The following ADAMTSL3 variants were observed in gnomAD, a reference collection of about 807,000 sequenced individuals.
ADAMTSL3 encodes the protein ADAMTS like 3, also known as ADAMTS-like protein 3.
In ADAMTSL3, 128 loss-of-function variants were observed where a neutral mutation model predicts 201.7. The ratio of observed to expected loss-of-function variants is 0.63; its 90% CI spans 0.55 to 0.73. The LOEUF (loss-of-function observed/expected upper bound fraction) is 0.73, where lower values mean the gene tolerates loss of function less well. Ranked by LOEUF, ADAMTSL3 falls within the 30% of genes least tolerant of loss-of-function variation. The probability of loss-of-function intolerance (pLI) is 0.00; values close to 1 mark genes in which losing one functional copy is unlikely to be tolerated. For missense variants in ADAMTSL3, 1,990 were observed against 2,119.6 expected, an observed-to-expected ratio of 0.94 and a Z score of 1.20; for synonymous variants, 738 against 748.4, an observed-to-expected ratio of 0.99 and a Z score of 0.23.
chr15:83,688,797 T>TACACACACACAC (rs1567073566), intron 2 of ADAMTSL3, among the ~76,000 whole-genome samples: 10 of 127,898 alleles, frequency 7.8e-5, no homozygotes, highest in African/African-American at 3.1e-4. Context: ...CACACACACA[T>TACACACACACAC]GCCTGATTTA....
chr15:83,766,078 C>T (rs1176584274), intron 3 of ADAMTSL3, among the ~76,000 whole-genome samples: 2 of 107,216 alleles, frequency 1.9e-5, no homozygotes. Context: ...GAGGTGCTTC[C>T]AGCTTCCAGC....
At chr15:83,938,654 C>A (rs1221228796) in intron 17 of ADAMTSL3, among the ~76,000 whole-genome samples, 2 of 152,066 alleles carry the variant, frequency 1.3e-5, no homozygotes. Context: ...TGCCTAATTT[C>A]AATGATCCCA....
chr15:83,690,413 T>G, intron 2 of ADAMTSL3, among the ~76,000 whole-genome samples: 1 of 152,164 alleles, frequency 6.6e-6, no homozygotes, highest in East Asian at 1.9e-4. Flanking sequence ...TTCATGCAAC[T>G]TGGACTGTTG....
At chr15:83,882,932 A>G (rs1447216416) in intron 9 of ADAMTSL3, among the ~76,000 whole-genome samples, 1 of 152,062 alleles carries the variant, frequency 6.6e-6, no homozygotes, top group Non-Finnish European at 1.5e-5. Flanking sequence ...CTTTCTTAAA[A>G]TCTAGGAAAT....
At chr15:84,021,759 A>G (rs1305977712) in intron 26 of ADAMTSL3, among the ~76,000 whole-genome samples, 166 bp downstream of exon 26, 1 of 152,196 alleles carries the variant, frequency 6.6e-6, no homozygotes, top group Non-Finnish European at 1.5e-5. Flanking sequence ...CCTGTGAGGT[A>G]GATGTTGTTA....
chr15:83,882,800 C>T (rs1387170966), intron 9 of ADAMTSL3, among the ~76,000 whole-genome samples: 1 of 152,040 alleles, frequency 6.6e-6, no homozygotes, highest in African/African-American at 2.4e-5. Context: ...TCTGATTTTT[C>T]ACATTTTTCT....
chr15:83,725,339 A>T (rs117457297), intron 3 of ADAMTSL3, among the ~76,000 whole-genome samples: 2,869 of 152,094 alleles, frequency 0.019, 42 homozygotes, highest in Middle Eastern at 0.044. Context: ...GCCTGTTTGG[A>T]CTCAAGTGAT....
chr15:83,820,754 C>G (rs1043226825), intron 6 of ADAMTSL3, among the ~76,000 whole-genome samples: 12 of 152,062 alleles, frequency 7.9e-5, no homozygotes, highest in African/African-American at 2.9e-4. Context: ...GACATAAACC[C>G]CAGTGGCTTT....
intron 17 of ADAMTSL3, among the ~76,000 whole-genome samples, chr15:83,941,477 T>A (rs1308476319): frequency 6.6e-6 from 1 of 152,154 alleles, no homozygotes; most frequent in African/African-American, 2.4e-5. Context: ...AATGAATAAT[T>A]ATTCAGATTT....
chr15:83,784,107 T>C (rs1330739550), intron 4 of ADAMTSL3, among the ~76,000 whole-genome samples: 1 of 152,214 alleles, frequency 6.6e-6, no homozygotes, highest in African/African-American at 2.4e-5. Context: ...TTTTATTATT[T>C]TGTGGCTTTC....
At chr15:83,852,011 A>G (rs890076304) in intron 7 of ADAMTSL3, among the ~76,000 whole-genome samples, 4 of 152,190 alleles carry the variant, frequency 2.6e-5, no homozygotes, top group Admixed American at 2.0e-4. Context: ...ACAAACATGT[A>G]TGCTTTTGAG....
intron 13 of ADAMTSL3, among the ~76,000 whole-genome samples, chr15:83,893,512 G>C (rs895410940): frequency 6.6e-6 from 1 of 152,136 alleles, no homozygotes; most frequent in Non-Finnish European, 1.5e-5. Context: ...ATGCTGACAC[G>C]ACATGAAAGT....
chr15:83,718,630 G>T (rs1489973261), intron 3 of ADAMTSL3, among the ~76,000 whole-genome samples: 1 of 150,754 alleles, frequency 6.6e-6, no homozygotes, highest in Non-Finnish European at 1.5e-5. Flanking sequence ...GGCAGAGGTT[G>T]CCGCGAGCTG....
chr15:83,762,582 G>A (rs1210176610), intron 3 of ADAMTSL3, among the ~76,000 whole-genome samples: 1 of 152,046 alleles, frequency 6.6e-6, no homozygotes, highest in African/African-American at 2.4e-5. Flanking sequence ...GTCCTCACGC[G>A]GTGGGAGGGC....
chr15:83,818,619 G>C (rs2141903998), intron 5 of ADAMTSL3, among the ~76,000 whole-genome samples: 1 of 152,332 alleles, frequency 6.6e-6, no homozygotes, highest in East Asian at 1.9e-4. Context: ...GAGCCACCAC[G>C]CCTGGCGGCT....
chr15:83,898,429 T>C (rs992423404), intron 14 of ADAMTSL3, among the ~76,000 whole-genome samples: 2 of 152,176 alleles, frequency 1.3e-5, no homozygotes, highest in Non-Finnish European at 2.9e-5. Context: ...TTTCCCAAGA[T>C]TCTCATTCTT....
intron 2 of ADAMTSL3, among the ~76,000 whole-genome samples, chr15:83,692,551 C>T (rs1215428917): frequency 1.3e-5 from 2 of 151,556 alleles, no homozygotes; most frequent in African/African-American, 2.4e-5. Context: ...CTGGGTGTGG[C>T]GGCGGGCACC....
chr15:83,888,926 A>G (rs562705907), intron 10 of ADAMTSL3, among the ~76,000 whole-genome samples: 40 of 152,218 alleles, frequency 2.6e-4, no homozygotes, highest in Non-Finnish European at 5.7e-4. Flanking sequence ...TTAGACCTTT[A>G]GACCAACTGG....
At chr15:83,872,383 C>T (rs2065097307) in intron 9 of ADAMTSL3, among the ~76,000 whole-genome samples, 1 of 152,064 alleles carries the variant, frequency 6.6e-6, no homozygotes, top group Admixed American at 6.6e-5. Flanking sequence ...TCTGCCTAGC[C>T]TCCACAGACA....
Sources: gnomAD v4.1 joint callset for allele counts (sites outside exome capture counted in the v4.1 genomes callset) on GRCh38, gnomAD v4.1.1 for gene constraint, MANE v1.5 for transcripts, NCBI Gene and HGNC (gene_info 2026-07-23, HGNC 2026-07-21) for gene names.